The following PLEKHA5 variants were observed in gnomAD, a reference collection of about 807,000 sequenced individuals.
PLEKHA5 encodes the protein pleckstrin homology domain-containing family A member 5.
In PLEKHA5, 55 loss-of-function variants were observed where a neutral mutation model predicts 181.9. The ratio of observed to expected loss-of-function variants is 0.30; its 90% CI spans 0.24 to 0.38. The LOEUF (loss-of-function observed/expected upper bound fraction) is 0.38. PLEKHA5 is among the 10% of genes least tolerant of loss of function. The probability of loss-of-function intolerance (pLI) is 1.00; values close to 1 mark genes in which losing one functional copy is unlikely to be tolerated. For missense variants in PLEKHA5, 1,432 were observed against 1,549.5 expected, an observed-to-expected ratio of 0.92 and a Z score of 1.27; for synonymous variants, 535 against 529.4, an observed-to-expected ratio of 1.01 and a Z score of -0.15.
intron 29 of PLEKHA5, among the ~76,000 whole-genome samples, chr12:19,362,632 T>C (rs1187389147): frequency 6.6e-6 from 1 of 152,086 alleles, no homozygotes. Context: ...CCCAGGTGCA[T>C]GCCTGTAGTT....
At chr12:19,208,055 C>A (rs896690844) in intron 3 of PLEKHA5, among the ~76,000 whole-genome samples, 1 of 152,024 alleles carries the variant, frequency 6.6e-6, no homozygotes, top group African/African-American at 2.4e-5. Context: ...CTCTAGAGAA[C>A]CTACTCTCAT....
chr12:19,130,274 T>A lies in PLEKHA5; in HGVS notation c.169+144T>A. 1 of 366,398 alleles carries A rather than the reference T, an allele frequency of 2.7e-6. No individual in the cohort carries two copies. 22.7% of individuals were successfully genotyped at this position (366,398 alleles called of 1,614,324 possible). ...GAGGCCGGGCGGGAGCGGCCGCAGG[T>A]AGAGGGGCCACGGGGACTCCGCCGC... On this transcript the variant is annotated intron_variant, in intron 2 of 31. Transcript: ENST00000429027. The surrounding 1 kb of genome is among the most constrained non-coding windows in gnomAD (Gnocchi z 4.5).
intron 16 of PLEKHA5, among the ~76,000 whole-genome samples, chr12:19,316,166 A>G (rs980697544): frequency 6.6e-6 from 1 of 152,056 alleles, no homozygotes; most frequent in Admixed American, 6.6e-5. Flanking sequence ...TGTCAGTAAA[A>G]TATATCATCT....
intron 10 of PLEKHA5, among the ~76,000 whole-genome samples, chr12:19,271,956 G>T (rs879837554): frequency 6.6e-6 from 1 of 152,180 alleles, no homozygotes; most frequent in Non-Finnish European, 1.5e-5. Flanking sequence ...GTGAAAGTAA[G>T]TATAGAGAGA....
chr12:19,283,375 A>G lies in PLEKHA5; in HGVS notation c.1409A>G (p.Asn470Ser). 1.9e-6 allele frequency: 3 copies of G among 1,614,042 alleles called. No individual in the cohort carries two copies. The highest frequency in any genetic ancestry group is 2.5e-6 in the Non-Finnish European group (3 of 1,179,998). ...YPEGYRTLPR[N>S]SKTRPESICS... ...GAAGGTTATAGAACACTCCCAAGAA[A>G]CAGCAAGACAAGGCCTGAAAGTATC... Residue 470 changes from asparagine to serine, a missense_variant, in exon 12 of 32, where the codon AAC becomes AGC. Asn to Ser is a conservative substitution (Grantham distance 46). Coordinates refer to ENST00000429027, the MANE Select transcript of PLEKHA5 (RefSeq NM_001256470.2).
chr12:19,191,009 G>C (rs757178581), intron 3 of PLEKHA5, among the ~76,000 whole-genome samples: 1 of 152,092 alleles, frequency 6.6e-6, no homozygotes, highest in Non-Finnish European at 1.5e-5. Context: ...AAACATATTT[G>C]GTATTTTATG....
intron 29 of PLEKHA5, 118 bp from the exon 30 acceptor site, chr12:19,365,846 A>T: frequency 1.6e-6 from 1 of 622,748 alleles, no homozygotes; most frequent in Non-Finnish European, 2.7e-6. Context: ...AGAAAAGATT[A>T]ATTGTAAGAA....
intron 20 of PLEKHA5, among the ~76,000 whole-genome samples, chr12:19,328,558 AGTGTGT>A (rs56041821): frequency 0.11 from 15,483 of 141,628 alleles, 822 homozygotes; most frequent in South Asian, 0.15. Context: ...CTTTCCTAGG[AGTGTGT>A]GTGTGTGTGT....
chr12:19,290,772 A>AT lies in PLEKHA5; in HGVS notation c.1959_1960insT (p.Lys654Ter). ...ATACGTTAGCACAGCTCATGCAGCT[A>AT]AAGCTTGAGGCCCACAGCCCAAAGG... On this transcript the variant is annotated frameshift_variant, in exon 14 of 32. Transcript: ENST00000429027. LOFTEE classifies it high-confidence loss of function. The AT allele has an allele frequency of 6.5e-7, 1 of 1,535,284 alleles. No homozygotes were observed. Among genetic ancestry groups the AT allele is most frequent in the Non-Finnish European group, 8.7e-7 (1 of 1,145,960 alleles).
chr12:19,131,620 A>C (rs1204639005), intron 2 of PLEKHA5, among the ~76,000 whole-genome samples: 1 of 152,080 alleles, frequency 6.6e-6, no homozygotes, highest in Non-Finnish European at 1.5e-5. Context: ...TTAACCCCAC[A>C]GATTTGGTAA....
chr12:19,196,313 G>C (rs1351172514), intron 3 of PLEKHA5, among the ~76,000 whole-genome samples: 1 of 152,070 alleles, frequency 6.6e-6, no homozygotes, highest in Admixed American at 6.5e-5. Flanking sequence ...TTTTTCATAG[G>C]TCTTTAGACT....
chr12:19,250,443 C>T lies in PLEKHA5; in HGVS notation c.228-3497C>T, dbSNP rs373095951. Among the ~76,000 whole-genome samples, 5 of 152,122 alleles carry T rather than the reference C, an allele frequency of 3.3e-5. No homozygotes were observed. In the East Asian group the frequency reaches 5.8e-4, roughly 18 times the overall value. On this transcript the variant is annotated intron_variant, in intron 3 of 31. Coordinates refer to ENST00000429027, the MANE Select transcript of PLEKHA5 (RefSeq NM_001256470.2). ...TACTAAAACTACAAAATTAGCCAGG[C>T]GTCGTGGTGCATACCTGTAGTCTCA...
chr12:19,257,206 A>G (rs954943337), intron 5 of PLEKHA5, among the ~76,000 whole-genome samples: 8 of 152,166 alleles, frequency 5.3e-5, no homozygotes, highest in African/African-American at 1.9e-4. Flanking sequence ...ATTTTAAAGG[A>G]AAGATTGTAA....
intron 3 of PLEKHA5, among the ~76,000 whole-genome samples, chr12:19,250,593 A>G (rs1339345431): frequency 6.6e-6 from 1 of 152,164 alleles, no homozygotes; most frequent in Non-Finnish European, 1.5e-5. Flanking sequence ...CCAAAAATAA[A>G]GATAATAAAA....
At chr12:19,363,335 T>A (rs1188234245) in intron 29 of PLEKHA5, among the ~76,000 whole-genome samples, 3 of 151,310 alleles carry the variant, frequency 2.0e-5, no homozygotes, top group African/African-American at 4.8e-5. Flanking sequence ...TTTTTTTATT[T>A]TTTTTTTTAT....
At chr12:19,138,919 G>A (rs1471001544) in intron 3 of PLEKHA5, among the ~76,000 whole-genome samples, 3 of 152,044 alleles carry the variant, frequency 2.0e-5, no homozygotes, top group Middle Eastern at 3.2e-3. Context: ...TTTATTTTCC[G>A]GGCAAGCCTT....
chr12:19,307,306 C>T (rs916256361), intron 15 of PLEKHA5: 51 of 351,720 alleles, frequency 1.5e-4, no homozygotes, highest in African/African-American at 9.5e-4. Flanking sequence ...AACCTTGTCT[C>T]TACTAAAAAT....
At chr12:19,269,729 C>T in intron 8 of PLEKHA5, 41 bp from the exon 9 acceptor site, 1 of 1,042,654 alleles carries the variant, frequency 9.6e-7, no homozygotes, top group Admixed American at 2.0e-5. Context: ...TTTACAGAAT[C>T]CTATATTTTT....
rs965721968 is a variant in PLEKHA5, at chr12:19,290,735, G to C, written c.1922G>C (p.Ser641Thr). The C allele has an allele frequency of 6.5e-7, 1 of 1,536,062 alleles. No homozygotes were observed. The highest frequency in any genetic ancestry group is 8.7e-7 in the Non-Finnish European group (1 of 1,146,628). The change falls in exon 14 of 32, where the codon AGT becomes ACT. Residue 641 changes from serine to threonine, a missense_variant. By Grantham distance (58) the Ser-to-Thr change is moderately conservative. Transcript: ENST00000429027. ...KLRRQQAELS[S>T]IREHTLAQLM... ...AGACGGCAGCAAGCCGAACTGAGTA[G>C]TATCCGGGAGCATACGTTAGCACAG...
Sources: gnomAD v4.1 joint callset for allele counts (sites outside exome capture counted in the v4.1 genomes callset) on GRCh38, gnomAD v4.1.1 for gene constraint, Gnocchi (gnomAD v3.1) non-coding constraint, MANE v1.5 for transcripts, NCBI Gene and HGNC (gene_info 2026-07-23, HGNC 2026-07-21) for gene names.